OSBPL3: variants seen among roughly 807,000 people sequenced by gnomAD.
The protein encoded by OSBPL3 is oxysterol binding protein like 3.
In OSBPL3, 65 loss-of-function variants were observed where a neutral mutation model predicts 120.1. The observed-to-expected ratio is 0.54, with a 90% CI of 0.44 to 0.67. OSBPL3 has a LOEUF of 0.67. Ranked by LOEUF, OSBPL3 falls within the 30% of genes least tolerant of loss-of-function variation. The pLI is 0.00. For synonymous variants in OSBPL3, 416 were observed against 402.6 expected, an observed-to-expected ratio of 1.03 and a Z score of -0.40; for missense variants, 1,004 against 1,082.1, an observed-to-expected ratio of 0.93 and a Z score of 1.01.
At chr7:24,843,423 A>G (rs1798023385) in intron 12 of OSBPL3, among the ~76,000 whole-genome samples, 1 of 152,204 alleles carries the variant, frequency 6.6e-6, no homozygotes, top group Admixed American at 6.5e-5. Context: ...TTGGGCTAAC[A>G]AAGGAGTTGC....
chr7:24,902,696 AAAAT>A (rs1180964736), intron 1 of OSBPL3, among the ~76,000 whole-genome samples: 4 of 130,742 alleles, frequency 3.1e-5, no homozygotes, highest in East Asian at 2.2e-4. Context: ...TTTACAAGAG[AAAAT>A]AAATAATAAT....
chr7:24,890,901 T>C (rs1805248627), intron 2 of OSBPL3, among the ~76,000 whole-genome samples: 1 of 152,194 alleles, frequency 6.6e-6, no homozygotes, highest in Non-Finnish European at 1.5e-5. Context: ...CTGAAAAAAG[T>C]TTCTGTAGTA....
intron 1 of OSBPL3, among the ~76,000 whole-genome samples, chr7:24,977,772 C>T (rs935411040): frequency 7.2e-5 from 11 of 152,186 alleles, no homozygotes; most frequent in African/African-American, 2.4e-4. Context: ...AGGAGAATGG[C>T]ATGAACCCGG....
At chr7:24,861,900 T>TTTG in intron 9 of OSBPL3, 131 bp from the exon 10 acceptor site, 2 of 385,874 alleles carry the variant, frequency 5.2e-6, no homozygotes, top group Non-Finnish European at 8.8e-6. Flanking sequence ...TTTTTTTTTT[T>TTTG]GGGGGGGATG....
Position 24,813,569 on chromosome 7 carries a change from C to A in OSBPL3, c.2172+1490G>T, listed in dbSNP as rs1323031647. Among the ~76,000 whole-genome samples, 1 of 152,140 alleles carries A rather than the reference C, an allele frequency of 6.6e-6. No homozygotes were observed. Among genetic ancestry groups the A allele is most frequent in the South Asian group, 2.1e-4 (1 of 4,830 alleles). ...GTAGGGTCATTTTTATTTTGTCCCA[C>A]ATGTAAGGTCATTATGGGCTTTATG... On this transcript the variant is annotated intron_variant, in intron 19 of 22. Transcript: ENST00000313367. This position sits in a 1 kb window ranked among gnomAD's most constrained non-coding sequence, Gnocchi z 4.5.
Position 24,827,125 on chromosome 7 carries a change from A to C in OSBPL3, c.1884+3643T>G, listed in dbSNP as rs1032775262. On this transcript the variant is annotated intron_variant, in intron 16 of 22. Coordinates refer to ENST00000313367, the MANE Select transcript of OSBPL3 (RefSeq NM_015550.4). The surrounding 1 kb of genome is among the most constrained non-coding windows in gnomAD (Gnocchi z 5.1). ...AAATATTAATTCGGGGGGCTTGCCC[A>C]GTTTATTATACTAGTCATCCAGAAA... Among the ~76,000 whole-genome samples the C allele has an allele frequency of 5.3e-5, 8 of 152,234 alleles. No individual in the cohort carries two copies. The highest frequency in any genetic ancestry group is 5.2e-4 in the Admixed American group (8 of 15,278).
chr7:24,803,636 T>C lies in OSBPL3; in HGVS notation c.2567+679A>G, dbSNP rs552890646. Among the ~76,000 whole-genome samples, 1 of 152,190 alleles carries C rather than the reference T, an allele frequency of 6.6e-6. No individual in the cohort carries two copies. Among genetic ancestry groups the C allele is most frequent in the Admixed American group, 6.5e-5 (1 of 15,286 alleles). On this transcript the variant is annotated intron_variant, in intron 22 of 22. Coordinates refer to ENST00000313367, the MANE Select transcript of OSBPL3 (RefSeq NM_015550.4). This position sits in a 1 kb window ranked among gnomAD's most constrained non-coding sequence, Gnocchi z 4.2. ...AAATACAAAAATTAGCCGGGCATGG[T>C]GGCACGCGCCTGTAGTCCCAGCTAC...
chr7:24,970,150 G>T (rs1242467817), intron 1 of OSBPL3, among the ~76,000 whole-genome samples: 1 of 120,954 alleles, frequency 8.3e-6, no homozygotes, highest in East Asian at 2.4e-4. Context: ...CGCTCTTGTC[G>T]TCTAGGGAGT....
At chr7:24,917,545 G>A (rs1214379708) in intron 1 of OSBPL3, among the ~76,000 whole-genome samples, 1 of 150,296 alleles carries the variant, frequency 6.7e-6, no homozygotes, top group African/African-American at 2.5e-5. Flanking sequence ...TCTCACTTTT[G>A]TGGCAGTTCT....
At chr7:24,975,650 A>G (rs932232102) in intron 1 of OSBPL3, among the ~76,000 whole-genome samples, 19 of 152,208 alleles carry the variant, frequency 1.2e-4, no homozygotes, top group Non-Finnish European at 1.3e-4. Flanking sequence ...AAGGGAGGCA[A>G]TAAGTTTGAA....
At chr7:24,904,957 G>C (rs892924236) in intron 1 of OSBPL3, among the ~76,000 whole-genome samples, 13 of 148,378 alleles carry the variant, frequency 8.8e-5, no homozygotes, top group Non-Finnish European at 1.9e-4. Context: ...GTGTGTGTGT[G>C]TGTGAATAAA....
At chr7:24,980,596 G>A (rs538533370), upstream of OSBPL3, among the ~76,000 whole-genome samples, 8 of 152,234 alleles carry the variant, frequency 5.3e-5, no homozygotes, top group South Asian at 1.7e-3. Context: ...GGCTCCAGGG[G>A]ACCCTTGCGG....
intron 1 of OSBPL3, among the ~76,000 whole-genome samples, chr7:24,943,361 T>C (rs527715090): frequency 1.3e-5 from 2 of 152,354 alleles, no homozygotes; most frequent in South Asian, 2.1e-4. Flanking sequence ...CCTGTACATA[T>C]GTGCTTGTAC....
intron 12 of OSBPL3, among the ~76,000 whole-genome samples, chr7:24,844,284 A>G (rs1411947377): frequency 6.6e-6 from 1 of 152,228 alleles, no homozygotes; most frequent in East Asian, 1.9e-4. Flanking sequence ...GCCAACCTAC[A>G]GCCCGGGCGC....
Position 24,976,745 on chromosome 7 carries a change from G to C in OSBPL3, c.-150+3141C>G, listed in dbSNP as rs547742756. ...TTGCAGGGTTCTCCAACCCTCCCTGGAGTACTACTGAAATAGAATTAACAA... is the reference window on the plus strand; with the variant it reads ...TTGCAGGGTTCTCCAACCCTCCCTGCAGTACTACTGAAATAGAATTAACAA... On this transcript the variant is annotated intron_variant, in intron 1 of 22. Coordinates refer to ENST00000313367, the MANE Select transcript of OSBPL3 (RefSeq NM_015550.4). Among the ~76,000 whole-genome samples the C allele has an allele frequency of 2.6e-5, 4 of 152,234 alleles. No homozygotes were observed. The East Asian group carries it at 7.7e-4, about 29-fold the overall frequency.
In OSBPL3 at chr7:24,871,913, G is replaced by C; in HGVS notation, c.213+40C>G. 1 of 1,478,260 alleles carries C rather than the reference G, an allele frequency of 6.8e-7. No homozygotes were observed. The highest frequency in any genetic ancestry group is 9.5e-7 in the Non-Finnish European group (1 of 1,056,136). The allele number at this position is 1,478,260 out of a possible 1,614,324, so 91.6% of individuals were successfully genotyped here. A position where few individuals can be genotyped will look rare whatever the true frequency, so the allele number is the denominator to read the frequency against. On this transcript the variant is annotated intron_variant, in intron 3 of 22. Transcript: ENST00000313367. The surrounding 1 kb of genome is among the most constrained non-coding windows in gnomAD (Gnocchi z 4.8). ...TAAGAACCAGGTGCTGAGTGGGGCA[G>C]TGTGAGTGCAAATAAAGGGGAGGCC...
At chr7:24,901,946 C>T (rs1400971841) in intron 1 of OSBPL3, among the ~76,000 whole-genome samples, 3 of 152,160 alleles carry the variant, frequency 2.0e-5, no homozygotes, top group Admixed American at 1.3e-4. Context: ...ACCCACTGTA[C>T]GATACTGGGA....
chr7:24,824,716 C>T lies in OSBPL3; in HGVS notation c.1885-4478G>A, dbSNP rs115252894. On this transcript the variant is annotated intron_variant, in intron 16 of 22. Coordinates refer to ENST00000313367, the MANE Select transcript of OSBPL3 (RefSeq NM_015550.4). The surrounding 1 kb of genome is among the most constrained non-coding windows in gnomAD (Gnocchi z 4.9). ...TTAGTATGGAAGTGGGTAAGACAAA[C>T]GACACATAAGAAGCACATAATTTGT... Among the ~76,000 whole-genome samples, 1,075 of 152,172 alleles carry T rather than the reference C, an allele frequency of 7.1e-3. 20 individuals carry two copies. The highest frequency in any genetic ancestry group is 0.025 in the African/African-American group (1,028 of 41,516).
At chr7:24,949,051 G>A (rs1814074768) in intron 1 of OSBPL3, among the ~76,000 whole-genome samples, 1 of 152,142 alleles carries the variant, frequency 6.6e-6, no homozygotes, top group Admixed American at 6.5e-5. Context: ...CACACCAGGC[G>A]TATCTCACCA....
Sources: gnomAD v4.1 joint callset for allele counts (sites outside exome capture counted in the v4.1 genomes callset) on GRCh38, gnomAD v4.1.1 for gene constraint, Gnocchi (gnomAD v3.1) non-coding constraint, MANE v1.5 for transcripts, NCBI Gene and HGNC (gene_info 2026-07-23, HGNC 2026-07-21) for gene names.